Variants in CRYBA4 observed in about 807,000 individuals in gnomAD.
CRYBA4 encodes the protein beta-crystallin A4.
Under a neutral mutation model 31.7 loss-of-function variants are expected in CRYBA4, and 30 were observed. The observed-to-expected ratio is 0.95, with a 90% CI of 0.71 to 1.28. The LOEUF is 1.28. CRYBA4 is among the 50% of genes most tolerant of loss of function. CRYBA4 has a pLI of 0.00. For missense variants in CRYBA4, 225 were observed against 260.7 expected, an observed-to-expected ratio of 0.86 and a Z score of 0.94; for synonymous variants, 102 against 102.3, an observed-to-expected ratio of 1.00 and a Z score of 0.02.
rs768524205 is a variant in CRYBA4, at chr22:26,630,510, C to A, written c.*23C>A. The A allele has an allele frequency of 2.5e-6, 4 of 1,605,344 alleles. No homozygotes were observed. The highest frequency in any genetic ancestry group is 1.3e-5 in the African/African-American group (1 of 74,978). On this transcript the variant is annotated 3_prime_UTR_variant, in exon 6 of 6. Transcript: ENST00000354760. Reference sequence around the variant, plus strand: ...TGAACAGGGGTGCGGCACGGAGGAGCGCATGCGTGCTTATCTGCAATGGAG... The same window carrying A: ...TGAACAGGGGTGCGGCACGGAGGAGAGCATGCGTGCTTATCTGCAATGGAG...
the CRYBA4 span, among the ~76,000 whole-genome samples, chr22:26,594,530 T>A: frequency 1.3e-5 from 2 of 152,168 alleles, no homozygotes. Flanking sequence ...CTGGGATCTA[T>A]CTAGCTTTGA....
the CRYBA4 span, among the ~76,000 whole-genome samples, chr22:26,603,121 G>A: frequency 1.8e-4 from 21 of 114,862 alleles, no homozygotes; most frequent in South Asian, 1.1e-3. Flanking sequence ...GCGAGACTCC[G>A]TCTCAAAAAA....
At chr22:26,595,809 G>C in the CRYBA4 span, among the ~76,000 whole-genome samples, 1 of 151,410 alleles carries the variant, frequency 6.6e-6, no homozygotes, top group South Asian at 2.1e-4. Context: ...GTCTTGCTCT[G>C]TTCCCCAGAC....
At chr22:26,595,211 GTTA>G in the CRYBA4 span, among the ~76,000 whole-genome samples, 1 of 152,070 alleles carries the variant, frequency 6.6e-6, no homozygotes, top group East Asian at 1.9e-4. Context: ...GACTTTAATT[GTTA>G]TTTTCTTCTG....
intron 2 of CRYBA4, 77 bp from the exon 3 acceptor site, chr22:26,623,157 C>A: frequency 1.6e-6 from 2 of 1,221,612 alleles, no homozygotes; most frequent in Non-Finnish European, 2.4e-6. Context: ...CCTGCCAGAT[C>A]CTGGGGCGAG....
chr22:26,616,453 T>C, the CRYBA4 span: 1 of 734,968 alleles, frequency 1.4e-6, no homozygotes, highest in Non-Finnish European at 2.4e-6. Flanking sequence ...TATCTCCTTC[T>C]GAAACGGTTA....
chr22:26,615,383 T>G, the CRYBA4 span, among the ~76,000 whole-genome samples: 1 of 152,230 alleles, frequency 6.6e-6, no homozygotes, highest in Non-Finnish European at 1.5e-5. Context: ...TTTTTTTTCT[T>G]GCTTTCGATA....
chr22:26,603,125 C>CAAA, the CRYBA4 span, among the ~76,000 whole-genome samples: 5 of 69,292 alleles, frequency 7.2e-5, no homozygotes, highest in Admixed American at 1.5e-4. Context: ...GACTCCGTCT[C>CAAA]AAAAAAAAAA....
At chr22:26,611,360 T>A in the CRYBA4 span, among the ~76,000 whole-genome samples, 1 of 152,208 alleles carries the variant, frequency 6.6e-6, no homozygotes, top group East Asian at 1.9e-4. Context: ...ATGCTTATCA[T>A]TACTCCCAGG....
At chr22:26,625,963 G>A (rs55721827) in intron 4 of CRYBA4, among the ~76,000 whole-genome samples, 4,609 of 152,194 alleles carry the variant, frequency 0.03, 144 homozygotes, top group African/African-American at 0.075. Flanking sequence ...GGATGGTAGG[G>A]CCAAGTGGAG....
At chr22:26,593,019 G>T in the CRYBA4 span, among the ~76,000 whole-genome samples, 1 of 152,254 alleles carries the variant, frequency 6.6e-6, no homozygotes, top group East Asian at 1.9e-4. Context: ...CTTGAGGAAG[G>T]CTAATTGCCC....
At chr22:26,627,359 C>CCCTCCCTCCCTCCCTCCCTTCTTTCTTT (rs1404229613) in intron 4 of CRYBA4, among the ~76,000 whole-genome samples, 13 of 41,860 alleles carry the variant, frequency 3.1e-4, no homozygotes, top group Non-Finnish European at 4.5e-4. Flanking sequence ...CTCCCTCCCT[C>CCCTCCCTCCCTCCCTCCCTTCTTTCTTT]CTTTCTTTCT....
At chr22:26,609,301 T>C in the CRYBA4 span, among the ~76,000 whole-genome samples, 1 of 152,170 alleles carries the variant, frequency 6.6e-6, no homozygotes, top group Non-Finnish European at 1.5e-5. Flanking sequence ...AAAGATATGT[T>C]TGTCTTCCCA....
chr22:26,628,983 C>T (rs1929834694), intron 5 of CRYBA4, among the ~76,000 whole-genome samples: 1 of 152,216 alleles, frequency 6.6e-6, no homozygotes, highest in African/African-American at 2.4e-5. Context: ...CATTTTCTCA[C>T]CTTGGCTGAG....
chr22:26,627,384 CTT>C lies in CRYBA4; in HGVS notation c.301-902_301-901del, dbSNP rs1242167951. On this transcript the variant is annotated intron_variant, in intron 4 of 5. Transcript: ENST00000354760. ...CCTTTCTTTCTTTCTTTCTTTCTTT[CTT>C]TCTTTCTTTCTTTCTTTCTTTCTTT... Among the ~76,000 whole-genome samples the C allele has an allele frequency of 3.0e-5, 2 of 65,678 alleles. 1 individual carries two copies. Among genetic ancestry groups the C allele is most frequent in the Admixed American group, 4.1e-4 (2 of 4,852 alleles). The allele number at this position is 65,678 out of a possible 152,430, so 43.1% of individuals were successfully genotyped here. A position where few individuals can be genotyped will look rare whatever the true frequency, so the allele number is the denominator to read the frequency against.
intron 5 of CRYBA4, 78 bp downstream of exon 5, chr22:26,628,508 G>A: frequency 6.4e-7 from 1 of 1,558,622 alleles, no homozygotes; most frequent in Admixed American, 1.7e-5. Context: ...AAAACTGTGT[G>A]CTGGGGACTT....
At chr22:26,615,035 G>A in the CRYBA4 span, among the ~76,000 whole-genome samples, 1 of 152,134 alleles carries the variant, frequency 6.6e-6, no homozygotes, top group African/African-American at 2.4e-5. Context: ...ACCAAGTCCT[G>A]GCTTTTATAT....
At chr22:26,608,772 G>T in the CRYBA4 span, among the ~76,000 whole-genome samples, 847 of 152,218 alleles carry the variant, frequency 5.6e-3, 13 homozygotes, top group African/African-American at 0.02. Flanking sequence ...GTAAATACTG[G>T]CCTGGTATTC....
At chr22:26,591,488 A>G in the CRYBA4 span, among the ~76,000 whole-genome samples, 1 of 147,462 alleles carries the variant, frequency 6.8e-6, no homozygotes, top group Admixed American at 6.8e-5. Context: ...AAAAAATGCA[A>G]TCCCAGCACT....
Sources: allele counts gnomAD v4.1 joint callset (sites outside exome capture counted in the v4.1 genomes callset), GRCh38; gene constraint gnomAD v4.1.1; transcripts MANE v1.5; gene names NCBI Gene and HGNC (gene_info 2026-07-23, HGNC 2026-07-21).